Variants in SLC44A4 observed in about 807,000 individuals in gnomAD.
The protein encoded by SLC44A4 is choline transporter-like protein 4.
SLC44A4 carries 74 observed loss-of-function variants against 97.0 expected under a neutral mutation model. That is an observed-to-expected ratio of 0.76 (90% CI 0.63 to 0.93). The LOEUF is 0.93. SLC44A4 is among the 40% of genes least tolerant of loss of function. The pLI is 0.00. For synonymous variants in SLC44A4, 325 were observed against 363.8 expected, an observed-to-expected ratio of 0.89 and a Z score of 1.21; for missense variants, 799 against 902.9, an observed-to-expected ratio of 0.88 and a Z score of 1.48.
rs573956245 is a variant in SLC44A4, at chr6:31,877,603, G to T, written c.41-521C>A. On this transcript the variant is annotated intron_variant, in intron 1 of 20. Transcript: ENST00000229729. This position sits in a 1 kb window ranked among gnomAD's most constrained non-coding sequence, Gnocchi z 6.5. ...TATGGGGAAAGAAACTGGAGACAAA[G>T]GTGTCAACCCCAGCAGGGCCTGGGG... 1.5e-4 allele frequency: 146 copies of T among 987,926 alleles called. 2 individuals are homozygous for T. Among genetic ancestry groups the T allele is most frequent in the Non-Finnish European group, 1.8e-5 (15 of 831,494 alleles). The allele number at this position is 987,926 out of a possible 1,614,324, so 61.2% of individuals were successfully genotyped here. A position where few individuals can be genotyped will look rare whatever the true frequency, so the allele number is the denominator to read the frequency against.
At chr6:31,873,987 T>C (rs1763309440) in intron 7 of SLC44A4, among the ~76,000 whole-genome samples, 1 of 152,034 alleles carries the variant, frequency 6.6e-6, no homozygotes, top group Non-Finnish European at 1.5e-5. Flanking sequence ...GCGGGCACCA[T>C]GTGCTGTAAT....
At position 31,863,406 on chromosome 6, in the gene SLC44A4, A is replaced by T. The variant is rs367860284; in HGVS notation, c.*221T>A. ...ACTCTCGGCTAATTTTTGTATTTTT[A>T]ATAGAGACGGAGGTTTCACCATGTT... On this transcript the variant is annotated 3_prime_UTR_variant, in exon 21 of 21. Transcript: ENST00000229729. 1 of 496,190 alleles carries T rather than the reference A, an allele frequency of 2.0e-6. No individual in the cohort carries two copies. The highest frequency in any genetic ancestry group is 3.4e-6 in the Non-Finnish European group (1 of 297,708). The allele number at this position is 496,190 out of a possible 1,614,324, so 30.7% of individuals were successfully genotyped here. A position where few individuals can be genotyped will look rare whatever the true frequency, so the allele number is the denominator to read the frequency against.
Position 31,878,936 on chromosome 6 carries a change from C to T in SLC44A4, c.40+5G>A. On this transcript the variant is annotated splice_donor_5th_base_variant and intron_variant, in intron 1 of 20. Coordinates refer to ENST00000229729, the MANE Select transcript of SLC44A4 (RefSeq NM_025257.3). The surrounding 1 kb of genome is among the most constrained non-coding windows in gnomAD (Gnocchi z 4.0). Reference sequence around the variant, plus strand: ...ACAGGGTCCCGGGCCTCGCCCCAGTCTCACCGTAGGCCTCGTCATCCTCGT... The same window carrying T: ...ACAGGGTCCCGGGCCTCGCCCCAGTTTCACCGTAGGCCTCGTCATCCTCGT... 1 of 1,613,626 alleles carries T rather than the reference C, an allele frequency of 6.2e-7. No individual in the cohort carries two copies. Among genetic ancestry groups the T allele is most frequent in the Non-Finnish European group, 8.5e-7 (1 of 1,179,750 alleles).
rs494620 is a variant in SLC44A4, at chr6:31,870,936, G to T, written c.813C>A (p.Tyr271Ter). ...LILGVLGVLA[Y>*]GIYYCWEEYR... ...ACTCCTCCCAGCAGTAGTAGATGCC[G>T]TATGCCAGCACGCCCAGCACTCCCA... The change falls in exon 10 of 21, where the codon TAC (tyrosine) becomes TAA (stop). Residue 271 changes from tyrosine to a stop codon, truncating the protein, a stop_gained. Transcript: ENST00000229729. LOFTEE classifies it high-confidence loss of function. 1.9e-6 allele frequency: 3 copies of T among 1,612,456 alleles called. No individual in the cohort carries two copies. Among genetic ancestry groups the T allele is most frequent in the Middle Eastern group, 1.6e-4 (1 of 6,082 alleles).
In SLC44A4 at chr6:31,863,522, G is replaced by A; in HGVS notation, c.*105C>T. ...TTACAGGCGTGAGCCACGGCGCCTG[G>A]CCTAAAACCTTTTTTTACCACAAAA... On this transcript the variant is annotated 3_prime_UTR_variant, in exon 21 of 21. Transcript: ENST00000229729. 1 of 1,455,212 alleles carries A rather than the reference G, an allele frequency of 6.9e-7. No homozygotes were observed. 90.1% of individuals were successfully genotyped at this position (1,455,212 alleles called of 1,614,324 possible).
Position 31,877,177 on chromosome 6 carries a change from A to T in SLC44A4, c.41-95T>A. ...AGCCCCAGGATCCTACCCAGGCCTCAGGTGTTTGGAGGGAGATGGGCTAGG... is the reference window on the plus strand; with the variant it reads ...AGCCCCAGGATCCTACCCAGGCCTCTGGTGTTTGGAGGGAGATGGGCTAGG... On this transcript the variant is annotated intron_variant, in intron 1 of 20. Coordinates refer to ENST00000229729, the MANE Select transcript of SLC44A4 (RefSeq NM_025257.3). This position sits in a 1 kb window ranked among gnomAD's most constrained non-coding sequence, Gnocchi z 6.5. 2 of 1,275,774 alleles carry T rather than the reference A, an allele frequency of 1.6e-6. No individual in the cohort carries two copies. Among genetic ancestry groups the T allele is most frequent in the South Asian group, 2.7e-5 (2 of 75,012 alleles). 79.0% of individuals were successfully genotyped at this position (1,275,774 alleles called of 1,614,324 possible).
At chr6:31,866,215 C>T (rs563856931) in intron 13 of SLC44A4, 89 bp from the exon 14 acceptor site, 7 of 1,498,384 alleles carry the variant, frequency 4.7e-6, no homozygotes, top group Non-Finnish European at 5.4e-6. Flanking sequence ...GCTCCTGCCC[C>T]TCCCAGAGTT....
At chr6:31,867,126 C>T (rs938151099) in intron 13 of SLC44A4, among the ~76,000 whole-genome samples, 1 of 152,042 alleles carries the variant, frequency 6.6e-6, no homozygotes, top group African/African-American at 2.4e-5. Context: ...GTTGCCCAGG[C>T]TGGAGTACAG....
In SLC44A4 at chr6:31,878,930, C is replaced by T; in HGVS notation, c.40+11G>A. 1 of 1,613,920 alleles carries T rather than the reference C, an allele frequency of 6.2e-7. No individual in the cohort carries two copies. The highest frequency in any genetic ancestry group is 8.5e-7 in the Non-Finnish European group (1 of 1,179,918). ...CCCTCCACAGGGTCCCGGGCCTCGC[C>T]CCAGTCTCACCGTAGGCCTCGTCAT... is the stretch of plus-strand genomic sequence containing the variant. On this transcript the variant is annotated intron_variant, in intron 1 of 20. Coordinates refer to ENST00000229729, the MANE Select transcript of SLC44A4 (RefSeq NM_025257.3). The surrounding 1 kb of genome is among the most constrained non-coding windows in gnomAD (Gnocchi z 4.0).
intron 11 of SLC44A4, 75 bp downstream of exon 11, chr6:31,870,528 G>T: frequency 8.1e-7 from 1 of 1,233,832 alleles, no homozygotes; most frequent in Non-Finnish European, 1.2e-6. Flanking sequence ...CACCTCTCTA[G>T]CACCCCCTAG....
At chr6:31,864,391 C>T in intron 20 of SLC44A4, 3 of 575,888 alleles carry the variant, frequency 5.2e-6, no homozygotes, top group Non-Finnish European at 9.3e-6. Flanking sequence ...TGGCTAACTT[C>T]TACCCGAGAT....
chr6:31,868,890 G>A (rs1182535324), intron 13 of SLC44A4, among the ~76,000 whole-genome samples: 1 of 152,148 alleles, frequency 6.6e-6, no homozygotes, highest in Non-Finnish European at 1.5e-5. Flanking sequence ...TCAGAGCAAT[G>A]TCCTGGGGAG....
rs765167689 is a variant in SLC44A4 at position 31,865,130 on chromosome 6, A to C, written c.1761-50T>G. The stretch of plus-strand genomic sequence containing the variant: ...GAGGGTGAGAGGCCTGGCAATGCTG[A>C]GAGTGAAATTGGCTTCGTAATTTGT... On this transcript the variant is annotated intron_variant, in intron 17 of 20. Coordinates refer to ENST00000229729, the MANE Select transcript of SLC44A4 (RefSeq NM_025257.3). This position sits in a 1 kb window ranked among gnomAD's most constrained non-coding sequence, Gnocchi z 5.2. The C allele has an allele frequency of 2.5e-6, 4 of 1,601,982 alleles. No individual in the cohort carries two copies. The highest frequency in any genetic ancestry group is 3.4e-6 in the Non-Finnish European group (4 of 1,169,752).
rs1490617178 is a variant in SLC44A4, at chr6:31,876,182, G to C, written c.90-53C>G. On this transcript the variant is annotated intron_variant, in intron 2 of 20. Transcript: ENST00000229729. The surrounding 1 kb of genome is among the most constrained non-coding windows in gnomAD (Gnocchi z 4.8). ...AGCTAAGGAGACTTGGGGAGGTAGG[G>C]CTTATGGTCTGGAGGGGTTAAGGGT... 6.7e-6 allele frequency: 10 copies of C among 1,499,000 alleles called. No homozygotes were observed. The allele number at this position is 1,499,000 out of a possible 1,614,324, so 92.9% of individuals were successfully genotyped here. A position where few individuals can be genotyped will look rare whatever the true frequency, so the allele number is the denominator to read the frequency against.
At chr6:31,866,213 C>T (rs1762865438) in intron 13 of SLC44A4, 87 bp from the exon 14 acceptor site, 43 of 1,515,908 alleles carry the variant, frequency 2.8e-5, no homozygotes, top group Non-Finnish European at 3.8e-5. Flanking sequence ...TAGCTCCTGC[C>T]CCTCCCAGAG....
chr6:31,865,270 G>A lies in SLC44A4; in HGVS notation c.1760+45C>T, dbSNP rs1246338729. The A allele has an allele frequency of 6.2e-7, 1 of 1,608,888 alleles. No individual in the cohort carries two copies. The highest frequency in any genetic ancestry group is 1.3e-5 in the African/African-American group (1 of 74,890). On this transcript the variant is annotated intron_variant, in intron 17 of 20. Coordinates refer to ENST00000229729, the MANE Select transcript of SLC44A4 (RefSeq NM_025257.3). This position sits in a 1 kb window ranked among gnomAD's most constrained non-coding sequence, Gnocchi z 5.2. ...CACCCACGAAGCCAGCCTTGGGTGG[G>A]AGATCAGAGGAGGGAGCCACAAAGC... is the stretch of plus-strand genomic sequence containing the variant.
chr6:31,865,808 G>C lies in SLC44A4; in HGVS notation c.1488-24C>G, dbSNP rs983306894. On this transcript the variant is annotated intron_variant, in intron 14 of 20. Coordinates refer to ENST00000229729, the MANE Select transcript of SLC44A4 (RefSeq NM_025257.3). The surrounding 1 kb of genome is among the most constrained non-coding windows in gnomAD (Gnocchi z 5.2). ...AACTGCAGAGGGTGTTATGCAGTCA[G>C]AGACAGCTCCAGGACCCCTGGGGCC... 2.5e-6 allele frequency: 4 copies of C among 1,613,820 alleles called. No homozygotes were observed. Among genetic ancestry groups the C allele is most frequent in the Non-Finnish European group, 3.4e-6 (4 of 1,179,918 alleles).
At chr6:31,864,498 G>T (rs1762726216) in intron 20 of SLC44A4, 154 bp downstream of exon 20, 3 of 691,266 alleles carry the variant, frequency 4.3e-6, no homozygotes, top group South Asian at 1.8e-5. Flanking sequence ...TTCCCTAAAC[G>T]CCTGGCCTCA....
At chr6:31,866,148 G>C (rs1429483383) in intron 13 of SLC44A4, 22 bp from the exon 14 acceptor site, 20 of 1,611,360 alleles carry the variant, frequency 1.2e-5, no homozygotes, top group Non-Finnish European at 1.7e-5. Flanking sequence ...GACGGGGATA[G>C]AGTAGGCTCA....
Sources: allele counts gnomAD v4.1 joint callset (sites outside exome capture counted in the v4.1 genomes callset), GRCh38; gene constraint gnomAD v4.1.1; non-coding constraint Gnocchi (gnomAD v3.1); transcripts MANE v1.5; gene names NCBI Gene and HGNC (gene_info 2026-07-23, HGNC 2026-07-21).